TNIK: variants seen among roughly 807,000 people sequenced by gnomAD.
TNIK encodes TRAF2 and NCK-interacting protein kinase.
TNIK carries 49 observed loss-of-function variants against 191.3 expected under a neutral mutation model. That is an observed-to-expected ratio of 0.26 (90% CI 0.20 to 0.32). The LOEUF (loss-of-function observed/expected upper bound fraction) is 0.32, where lower values mean the gene tolerates loss of function less well. Among genes scored for constraint, TNIK ranks in the 10% least tolerant of loss-of-function variants. The pLI, the probability that TNIK is intolerant of heterozygous loss-of-function variation, is 1.00. For synonymous variants in TNIK, 594 were observed against 600.9 expected, an observed-to-expected ratio of 0.99 and a Z score of 0.17; for missense variants, 1,155 against 1,702.3, an observed-to-expected ratio of 0.68 and a Z score of 5.66.
intron 3 of TNIK, among the ~76,000 whole-genome samples, chr3:171,217,445 G>C (rs76769356): frequency 0.059 from 9,023 of 151,998 alleles, 491 homozygotes; most frequent in East Asian, 0.26. Flanking sequence ...TAGGTACTAT[G>C]GTCAGTACCT....
At chr3:171,187,025 TAGTGC>T (rs1157762848) in intron 7 of TNIK, among the ~76,000 whole-genome samples, 1 of 152,172 alleles carries the variant, frequency 6.6e-6, no homozygotes, top group African/African-American at 2.4e-5. Flanking sequence ...GTCCCATATA[TAGTGC>T]AGTCAGTCAC....
chr3:171,418,864 C>A (rs1284967517), intron 1 of TNIK, among the ~76,000 whole-genome samples: 1 of 152,182 alleles, frequency 6.6e-6, no homozygotes, highest in African/African-American at 2.4e-5. Flanking sequence ...GTGGCTTAAA[C>A]TACAGAACTT....
At chr3:171,313,518 T>C (rs1264209272) in intron 2 of TNIK, among the ~76,000 whole-genome samples, 3 of 152,188 alleles carry the variant, frequency 2.0e-5, no homozygotes, top group Non-Finnish European at 4.4e-5. Flanking sequence ...CATTAGACAG[T>C]TGTTACATAA....
intron 7 of TNIK, among the ~76,000 whole-genome samples, chr3:171,184,711 C>A (rs1181090381): frequency 6.6e-6 from 1 of 152,196 alleles, no homozygotes; most frequent in East Asian, 1.9e-4. Context: ...GGAAACTCTA[C>A]CACTAGTTAG....
chr3:171,335,975 G>A (rs976154023), intron 2 of TNIK, among the ~76,000 whole-genome samples: 3 of 152,236 alleles, frequency 2.0e-5, no homozygotes, highest in East Asian at 3.8e-4. Flanking sequence ...CATACAGTGC[G>A]TAGTGTATCT....
At chr3:171,218,985 TA>T (rs1160465976) in intron 3 of TNIK, among the ~76,000 whole-genome samples, 1 of 128,754 alleles carries the variant, frequency 7.8e-6, no homozygotes, top group Non-Finnish European at 1.6e-5. Context: ...ATATTTATAT[TA>T]AATTATTACA....
intron 1 of TNIK, among the ~76,000 whole-genome samples, chr3:171,425,115 C>T (rs1041273566): frequency 1.3e-5 from 2 of 152,108 alleles, no homozygotes; most frequent in African/African-American, 4.8e-5. Context: ...ATATGCACTC[C>T]CATTCAATTT....
At chr3:171,162,227 T>C (rs563682243) in intron 10 of TNIK, among the ~76,000 whole-genome samples, 62 of 152,004 alleles carry the variant, frequency 4.1e-4, no homozygotes, top group Admixed American at 5.9e-4. Context: ...CGAGACCATC[T>C]AGGCTAACAC....
At chr3:171,255,408 G>C (rs1746732548) in intron 2 of TNIK, among the ~76,000 whole-genome samples, 2 of 152,134 alleles carry the variant, frequency 1.3e-5, no homozygotes, top group Non-Finnish European at 2.9e-5. Context: ...GATGGTTTCA[G>C]AATCAAACTA....
chr3:171,271,215 T>C (rs1274080838), intron 2 of TNIK, among the ~76,000 whole-genome samples: 1 of 152,250 alleles, frequency 6.6e-6, no homozygotes, highest in African/African-American at 2.4e-5. Flanking sequence ...CCTACCTGTG[T>C]TGCCAACTCT....
At chr3:171,380,016 C>CAT (rs1717803447) in intron 1 of TNIK, among the ~76,000 whole-genome samples, 1 of 62,128 alleles carries the variant, frequency 1.6e-5, no homozygotes, top group African/African-American at 5.7e-5. Context: ...TCAAAACACA[C>CAT]ACACACACAC....
chr3:171,389,229 A>G (rs1719137962), intron 1 of TNIK, among the ~76,000 whole-genome samples: 1 of 152,170 alleles, frequency 6.6e-6, no homozygotes, highest in Non-Finnish European at 1.5e-5. Flanking sequence ...CCTACTGCCC[A>G]GAAAACAATG....
At chr3:171,136,497 G>T (rs1318292352) in intron 15 of TNIK, among the ~76,000 whole-genome samples, 1 of 152,174 alleles carries the variant, frequency 6.6e-6, no homozygotes, top group African/African-American at 2.4e-5. Context: ...TGGTCCTCAA[G>T]ACTTCCTGAG....
chr3:171,416,447 A>G (rs1049823899), intron 1 of TNIK, among the ~76,000 whole-genome samples: 1 of 152,026 alleles, frequency 6.6e-6, no homozygotes, highest in African/African-American at 2.4e-5. Context: ...GCTCTACTAG[A>G]TTAAGAAAAA....
intron 1 of TNIK, among the ~76,000 whole-genome samples, chr3:171,391,088 C>T (rs1719448346): frequency 6.6e-6 from 1 of 152,168 alleles, no homozygotes; most frequent in Non-Finnish European, 1.5e-5. Context: ...TTTTCCAGTA[C>T]TAATTAACAT....
chr3:171,419,974 T>A (rs1257632247), intron 1 of TNIK, among the ~76,000 whole-genome samples: 1 of 152,190 alleles, frequency 6.6e-6, no homozygotes, highest in Non-Finnish European at 1.5e-5. Flanking sequence ...TGAACATGTT[T>A]GTGACTCGAG....
At chr3:171,076,366 A>G (rs1703430292) in intron 28 of TNIK, among the ~76,000 whole-genome samples, 1 of 152,164 alleles carries the variant, frequency 6.6e-6, no homozygotes. Context: ...TCTTCTTTAT[A>G]GCATGCCCCT....
chr3:171,145,659 T>C (rs1242942404), intron 12 of TNIK, among the ~76,000 whole-genome samples: 2 of 152,238 alleles, frequency 1.3e-5, no homozygotes, highest in East Asian at 3.8e-4. Context: ...ATTTTTGCTG[T>C]TTAAATTCTT....
At chr3:171,437,509 A>G (rs189084632) in intron 1 of TNIK, among the ~76,000 whole-genome samples, 182 of 152,234 alleles carry the variant, frequency 1.2e-3, no homozygotes, top group African/African-American at 4.2e-3. Flanking sequence ...TCCAAGACCT[A>G]TGTCTAAGCT....
Sources: gnomAD v4.1 joint callset for allele counts (sites outside exome capture counted in the v4.1 genomes callset) on GRCh38, gnomAD v4.1.1 for gene constraint, MANE v1.5 for transcripts, NCBI Gene and HGNC (gene_info 2026-07-23, HGNC 2026-07-21) for gene names.